Variants in COX6A1 observed in about 807,000 individuals in gnomAD.
The protein encoded by COX6A1 is cytochrome c oxidase subunit 6A1, mitochondrial.
In COX6A1, 10 loss-of-function variants were observed where a neutral mutation model predicts 11.3. The ratio of observed to expected loss-of-function variants is 0.88; its 90% CI spans 0.54 to 1.50. The LOEUF (loss-of-function observed/expected upper bound fraction) is 1.50. Among genes scored for constraint, COX6A1 ranks in the 40% most tolerant of loss-of-function variants. COX6A1 has a pLI of 0.00. For missense variants in COX6A1, 149 were observed against 147.6 expected, an observed-to-expected ratio of 1.01 and a Z score of -0.05; for synonymous variants, 81 against 60.6, an observed-to-expected ratio of 1.34 and a Z score of -1.57.
intron 2 of COX6A1, chr12:120,439,850 A>AACCC (rs1479527567): frequency 6.6e-6 from 1 of 152,554 alleles, no homozygotes; most frequent in Non-Finnish European, 1.5e-5. Context: ...ACTAGGTGGC[A>AACCC]GTAGTACCTG....
At chr12:120,440,351 T>G (rs1877692184) in intron 2 of COX6A1, 103 bp from the exon 3 acceptor site, 7 of 839,748 alleles carry the variant, frequency 8.3e-6, no homozygotes, top group Non-Finnish European at 1.4e-5. Flanking sequence ...TAATTTCCAT[T>G]TTGTTTTTAT....
chr12:120,439,740 T>C (rs1390097214), intron 2 of COX6A1, among the ~76,000 whole-genome samples: 5 of 152,136 alleles, frequency 3.3e-5, no homozygotes, highest in African/African-American at 1.2e-4. Context: ...AGTAAAGGTT[T>C]CTCAGCCTCA....
chr12:120,440,272 G>A (rs1877690314), intron 2 of COX6A1, 182 bp from the exon 3 acceptor site: 1 of 524,654 alleles, frequency 1.9e-6, no homozygotes, highest in African/African-American at 1.9e-5. Context: ...TAACTTTAAG[G>A]GCTCCCCTGG....
chr12:120,438,478 G>A lies in COX6A1; in HGVS notation c.203G>A (p.Arg68Lys). 6.2e-7 allele frequency: 1 copy of A among 1,614,178 alleles called. No homozygotes were observed. Among genetic ancestry groups the A allele is most frequent in the Non-Finnish European group, 8.5e-7 (1 of 1,180,032 alleles). ...AAGTCGCACCACGGAGAGCACGAGA[G>A]ACCCGAGTTCATCGCCTACCCCCAT... is the stretch of plus-strand genomic sequence containing the variant. ...YLKSHHGEHE[R>K]PEFIAYPHLR... Residue 68 changes from arginine (R) to lysine (K), a missense_variant, in exon 2 of 3, where the codon AGA (arginine) becomes AAA (lysine). Coordinates refer to ENST00000229379, the MANE Select transcript of COX6A1 (RefSeq NM_004373.4).
chr12:120,439,481 A>T (rs182127948), intron 2 of COX6A1, among the ~76,000 whole-genome samples: 13 of 152,140 alleles, frequency 8.5e-5, no homozygotes, highest in African/African-American at 3.1e-4. Flanking sequence ...GCAGTGAGCC[A>T]AGATCCAGCC....
Position 120,438,401 on chromosome 12 carries a change from C to G in COX6A1, c.126C>G (p.Thr42=). Residue 42 remains threonine (T), a synonymous_variant, in exon 2 of 3, where the codon ACC becomes ACG. Transcript: ENST00000229379. ...EGSARMWKTL[T]FFVALPGVAV... ...CAGCTCGCATGTGGAAGACTCTCAC[C>G]TTCTTCGTCGCGCTCCCCGGGGTGG... The G allele has an allele frequency of 6.2e-7, 1 of 1,614,242 alleles. No homozygotes were observed. Among genetic ancestry groups the G allele is most frequent in the South Asian group, 1.1e-5 (1 of 91,088 alleles).
Position 120,438,124 on chromosome 12 carries a change from A to G in COX6A1, c.-3A>G, listed in dbSNP as rs1877611739. On this transcript the variant is annotated 5_prime_UTR_variant, in exon 1 of 3. Coordinates refer to ENST00000229379, the MANE Select transcript of COX6A1 (RefSeq NM_004373.4). ...TCCGGCGCTGCGGCAGTCCAGATCA[A>G]AAATGGCGGTAGTTGGTGTGTCCTC... 2 of 1,613,184 alleles carry G rather than the reference A, an allele frequency of 1.2e-6. No homozygotes were observed. The highest frequency in any genetic ancestry group is 4.5e-5 in the East Asian group (2 of 44,868).
intron 2 of COX6A1, 92 bp from the exon 3 acceptor site, chr12:120,440,362 A>G (rs1877692422): frequency 2.1e-6 from 2 of 947,022 alleles, no homozygotes; most frequent in Non-Finnish European, 3.3e-6. Context: ...TTGTTTTTAT[A>G]TATGATCTGT....
At chr12:120,439,503 G>A (rs1368150559) in intron 2 of COX6A1, among the ~76,000 whole-genome samples, 1 of 152,104 alleles carries the variant, frequency 6.6e-6, no homozygotes, top group Non-Finnish European at 1.5e-5. Context: ...TTGCACTGCA[G>A]CCTGGGCAAC....
At chr12:120,438,680 C>G (rs1852610427) in intron 2 of COX6A1, 159 bp downstream of exon 2, 12 of 950,186 alleles carry the variant, frequency 1.3e-5, no homozygotes, top group Admixed American at 1.3e-4. Flanking sequence ...GGATGGACAG[C>G]TGACACTTGG....
At chr12:120,438,650 T>C in intron 2 of COX6A1, 129 bp downstream of exon 2, 1 of 1,321,816 alleles carries the variant, frequency 7.6e-7, no homozygotes, top group East Asian at 2.3e-5. Context: ...AAACAGAAAA[T>C]GTATTTTCTT....
intron 2 of COX6A1, 116 bp from the exon 3 acceptor site, chr12:120,440,338 G>A (rs1877691856): frequency 1.4e-6 from 1 of 719,038 alleles, no homozygotes; most frequent in African/African-American, 1.8e-5. Flanking sequence ...GTAGATAAAG[G>A]ACTAATTTCC....
chr12:120,439,998 CAAGATAATTCAGGGT>C (rs2137031914), intron 2 of COX6A1: 1 of 152,730 alleles, frequency 6.5e-6, no homozygotes, highest in Non-Finnish European at 1.4e-5. Context: ...AGGTAATAGG[CAAGATAATTCAGGGT>C]GGGCTGCAGT....
intron 2 of COX6A1, chr12:120,438,784 AGTTC>A: frequency 1.2e-5 from 3 of 257,238 alleles, no homozygotes; most frequent in Non-Finnish European, 2.0e-5. Flanking sequence ...CTTCTGAGAC[AGTTC>A]TTTTTTTTTT....
At chr12:120,439,249 A>G (rs544824469) in intron 2 of COX6A1, among the ~76,000 whole-genome samples, 7 of 152,218 alleles carry the variant, frequency 4.6e-5, no homozygotes, top group Admixed American at 2.0e-4. Flanking sequence ...AATACTGGCC[A>G]TGCGCGGTGG....
At position 120,438,673 on chromosome 12, in the gene COX6A1, T is replaced by A. The variant is rs77643067; in HGVS notation, c.246+152T>A. 0.056 allele frequency: 58,785 copies of A among 1,041,756 alleles called. 2,023 individuals are homozygous for A. Among genetic ancestry groups the A allele is most frequent in the South Asian group, 0.098 (6,739 of 68,942 alleles). The allele number at this position is 1,041,756 out of a possible 1,614,324, so 64.5% of individuals were successfully genotyped here. On this transcript the variant is annotated intron_variant, in intron 2 of 2. Transcript: ENST00000229379. ...AATGTATTTTCTTCCATTTTGTGGA[T>A]GGACAGCTGACACTTGGGATTACGT...
chr12:120,440,371 G>C (rs867428676), intron 2 of COX6A1, 83 bp from the exon 3 acceptor site: 9 of 1,055,560 alleles, frequency 8.5e-6, no homozygotes, highest in Middle Eastern at 2.1e-4. Context: ...TATATGATCT[G>C]TCACCCCGTT....
Position 120,438,131 on chromosome 12 carries a change from C to G in COX6A1, c.5C>G (p.Ala2Gly), listed in dbSNP as rs200221639. Residue 2 changes from alanine to glycine, a missense_variant, in exon 1 of 3, where the codon GCG becomes GGG. By Grantham distance (60) the Ala-to-Gly change is moderately conservative. Coordinates refer to ENST00000229379, the MANE Select transcript of COX6A1 (RefSeq NM_004373.4). MAVVGVSSVSRL... is the reference protein window; with the variant it reads MGVVGVSSVSRL... ...CTGCGGCAGTCCAGATCAAAAATGG[C>G]GGTAGTTGGTGTGTCCTCGGTTTCT... is the stretch of plus-strand genomic sequence containing the variant. 2 of 1,613,304 alleles carry G rather than the reference C, an allele frequency of 1.2e-6. No homozygotes were observed. Among genetic ancestry groups the G allele is most frequent in the South Asian group, 1.1e-5 (1 of 91,000 alleles).
At chr12:120,438,784 A>G (rs1442744440) in intron 2 of COX6A1, 2 of 257,266 alleles carry the variant, frequency 7.8e-6, no homozygotes, top group East Asian at 2.2e-4. Context: ...CTTCTGAGAC[A>G]GTTCTTTTTT....
Sources: gnomAD v4.1 joint callset for allele counts (sites outside exome capture counted in the v4.1 genomes callset) on GRCh38, gnomAD v4.1.1 for gene constraint, MANE v1.5 for transcripts, NCBI Gene and HGNC (gene_info 2026-07-23, HGNC 2026-07-21) for gene names.